The following LRP1B variants were observed in gnomAD, a reference collection of about 807,000 sequenced individuals.
The protein encoded by LRP1B is low-density lipoprotein receptor-related protein 1B.
Under a neutral mutation model 556.6 loss-of-function variants are expected in LRP1B, and 217 were observed. The observed-to-expected ratio is 0.39, with a 90% confidence interval of 0.35 to 0.44. The LOEUF is 0.44. Among genes scored for constraint, LRP1B ranks in the 20% least tolerant of loss-of-function variants. The pLI is 1.00. For synonymous variants in LRP1B, 2,047 were observed against 1,865.8 expected, an observed-to-expected ratio of 1.10 and a Z score of -2.50; for missense variants, 5,053 against 5,620.8, an observed-to-expected ratio of 0.90 and a Z score of 3.23.
At chr2:142,048,093 T>C (rs1704322031) in intron 1 of LRP1B, among the ~76,000 whole-genome samples, 1 of 152,116 alleles carries the variant, frequency 6.6e-6, no homozygotes, top group Non-Finnish European at 1.5e-5. Context: ...TTTTTTCTGT[T>C]GTTGCTTAAA....
intron 1 of LRP1B, among the ~76,000 whole-genome samples, chr2:141,879,741 A>G (rs1167952978): frequency 1.3e-5 from 2 of 151,986 alleles, no homozygotes; most frequent in Non-Finnish European, 2.9e-5. Context: ...AGACAAACAA[A>G]AAACTTGTCT....
At chr2:141,535,967 A>T (rs542547954) in intron 2 of LRP1B, among the ~76,000 whole-genome samples, 38 of 152,248 alleles carry the variant, frequency 2.5e-4, no homozygotes, top group Non-Finnish European at 4.9e-4. Flanking sequence ...ACTTATAGAA[A>T]ATCTACCCAC....
At chr2:140,263,231 C>T (rs1389389340) in intron 86 of LRP1B, among the ~76,000 whole-genome samples, 1 of 152,032 alleles carries the variant, frequency 6.6e-6, no homozygotes, top group African/African-American at 2.4e-5. Context: ...AAAATATGTT[C>T]TTAATAGACT....
At chr2:140,691,272 G>A (rs920725398) in intron 41 of LRP1B, among the ~76,000 whole-genome samples, 3 of 152,066 alleles carry the variant, frequency 2.0e-5, no homozygotes, top group African/African-American at 7.2e-5. Context: ...GGGAGTTCAA[G>A]ACCAGCCTGA....
At chr2:140,323,398 T>C (rs566272286) in intron 81 of LRP1B, among the ~76,000 whole-genome samples, 2 of 152,062 alleles carry the variant, frequency 1.3e-5, no homozygotes, top group South Asian at 4.1e-4. Flanking sequence ...TTAAGAATGA[T>C]AGTTACTTGT....
chr2:140,308,499 G>A (rs1407135195), intron 83 of LRP1B, among the ~76,000 whole-genome samples: 1 of 151,670 alleles, frequency 6.6e-6, no homozygotes, highest in Non-Finnish European at 1.5e-5. Context: ...CTCTTTTTAA[G>A]TCAATTTTTA....
At position 141,610,320 on chromosome 2, in the gene LRP1B, TATAATAATA is replaced by T. The variant is rs200146418; in HGVS notation, c.206-129796_206-129788del. ...TATTATTATACTTTAAAACTTAAAG[TATAATAATA>T]ATAATAATAATAATAAAAAGAAACC... On this transcript the variant is annotated intron_variant, in intron 2 of 90. Coordinates refer to ENST00000389484, the MANE Select transcript of LRP1B (RefSeq NM_018557.3). Among the ~76,000 whole-genome samples the T allele has an allele frequency of 2.8e-5, 4 of 144,606 alleles. No homozygotes were observed. The East Asian group carries it at 6.0e-4, about 22-fold the overall frequency. 94.9% of individuals were successfully genotyped at this position (144,606 alleles called of 152,430 possible).
rs761288028 is a variant in LRP1B, at chr2:140,769,219, G to A, written c.5752C>T (p.His1918Tyr). Residue 1918 changes from histidine (H) to tyrosine (Y), a missense_variant, in exon 35 of 91, where the codon CAT (histidine) becomes TAT (tyrosine). By Grantham distance (83) the His-to-Tyr change is moderately conservative (BLOSUM62 2). Coordinates refer to ENST00000389484, the MANE Select transcript of LRP1B (RefSeq NM_018557.3). The part of the protein sequence containing the change: ...GTSFAVGIDF[H>Y]AENDTIYWTD... ...TGACTAAAAAGCTATTTACCTGCAT[G>A]GAAATCTATTCCCACGGCAAATGAA... 6.2e-7 allele frequency: 1 copy of A among 1,611,076 alleles called. No individual in the cohort carries two copies. Among genetic ancestry groups the A allele is most frequent in the Non-Finnish European group, 8.5e-7 (1 of 1,178,204 alleles).
chr2:141,175,067 G>T (rs1680677978), intron 7 of LRP1B, among the ~76,000 whole-genome samples: 1 of 152,118 alleles, frequency 6.6e-6, no homozygotes. Context: ...TCTGGTGGAA[G>T]AAATTTCTAA....
intron 1 of LRP1B, among the ~76,000 whole-genome samples, chr2:142,118,915 G>A (rs1707362110): frequency 6.6e-6 from 1 of 152,038 alleles, no homozygotes; most frequent in Admixed American, 6.6e-5. Context: ...CTTATTTCAA[G>A]GTATAATGTT....
chr2:140,405,260 G>T (rs1385698302), intron 66 of LRP1B, among the ~76,000 whole-genome samples: 1 of 152,172 alleles, frequency 6.6e-6, no homozygotes, highest in Non-Finnish European at 1.5e-5. Context: ...ACATCGGAAA[G>T]TCTGAAAGAG....
At chr2:140,702,688 A>G in intron 37 of LRP1B, 135 bp from the exon 38 acceptor site, 1 of 771,248 alleles carries the variant, frequency 1.3e-6, no homozygotes, top group Non-Finnish European at 2.1e-6. Context: ...AAGTTAATAT[A>G]CAGTGTGCTT....
chr2:141,464,606 A>ATATATTTTTTT lies in LRP1B; in HGVS notation c.343+15789_343+15790insAAAAAAATATA. Among the ~76,000 whole-genome samples, 412 of 90,498 alleles carry ATATATTTTTTT rather than the reference A, an allele frequency of 4.6e-3. 18 individuals carry two copies. The highest frequency in any genetic ancestry group is 0.017 in the African/African-American group (386 of 23,334). 59.4% of individuals were successfully genotyped at this position (90,498 alleles called of 152,430 possible). A position where few individuals can be genotyped will look rare whatever the true frequency, so the allele number is the denominator to read the frequency against. On this transcript the variant is annotated intron_variant, in intron 3 of 90. Coordinates refer to ENST00000389484, the MANE Select transcript of LRP1B (RefSeq NM_018557.3). ...TTTGTATATATATATATATATATAT[A>ATATATTTTTTT]TTTTTTTAGTAGAGATGGGGTTTCA...
At chr2:141,824,374 T>C (rs1696853806) in intron 1 of LRP1B, among the ~76,000 whole-genome samples, 1 of 152,142 alleles carries the variant, frequency 6.6e-6, no homozygotes, top group African/African-American at 2.4e-5. Context: ...TAACCCTTCA[T>C]GGAATTTTTC....
chr2:140,756,212 T>C (rs935874339), intron 35 of LRP1B, among the ~76,000 whole-genome samples: 5 of 152,016 alleles, frequency 3.3e-5, no homozygotes, highest in East Asian at 1.9e-4. Context: ...AGCTATCACA[T>C]TGATATACTG....
chr2:141,949,721 A>G (rs1340964570), intron 1 of LRP1B, among the ~76,000 whole-genome samples: 1 of 152,134 alleles, frequency 6.6e-6, no homozygotes, highest in Non-Finnish European at 1.5e-5. Flanking sequence ...TCTCTTACAT[A>G]CTATACCTCT....
intron 1 of LRP1B, among the ~76,000 whole-genome samples, chr2:141,838,046 C>T (rs1264246794): frequency 1.3e-5 from 2 of 152,082 alleles, no homozygotes; most frequent in Non-Finnish European, 2.9e-5. Flanking sequence ...TAGCAAAACA[C>T]AGAGTAGCTT....
At chr2:141,089,441 A>G (rs1700123952) in intron 7 of LRP1B, among the ~76,000 whole-genome samples, 1 of 152,232 alleles carries the variant, frequency 6.6e-6, no homozygotes, top group Non-Finnish European at 1.5e-5. Flanking sequence ...CAATGAAAAT[A>G]TACTATTTTG....
At chr2:141,644,982 A>AGACATCAAAG (rs1689499140) in intron 2 of LRP1B, among the ~76,000 whole-genome samples, 3 of 152,156 alleles carry the variant, frequency 2.0e-5, no homozygotes, top group Non-Finnish European at 4.4e-5. Context: ...GCCTTTGAGG[A>AGACATCAAAG]GACATCAAAG....
Sources: gnomAD v4.1 joint callset for allele counts (sites outside exome capture counted in the v4.1 genomes callset) on GRCh38, gnomAD v4.1.1 for gene constraint, MANE v1.5 for transcripts, NCBI Gene and HGNC (gene_info 2026-07-23, HGNC 2026-07-21) for gene names.